The following PARS2 variants were observed in gnomAD, a reference collection of about 807,000 sequenced individuals.
PARS2 encodes the protein probable proline--tRNA ligase, mitochondrial.
PARS2 carries 20 observed loss-of-function variants against 27.4 expected under a neutral mutation model. The ratio of observed to expected loss-of-function variants is 0.73; its 90% CI spans 0.51 to 1.06. The LOEUF is 1.06. Ranked by LOEUF, PARS2 falls within the 50% of genes least tolerant of loss-of-function variation. The pLI is 0.00. For synonymous variants in PARS2, 240 were observed against 247.1 expected (o/e 0.97, Z 0.27); for missense variants, 585 against 602.1 (o/e 0.97, Z 0.30).
Position 54,757,285 on chromosome 1 carries a change from C to T in PARS2, c.*449G>A, listed in dbSNP as rs1037611521. ...TTCTCAGTGGAGAGGGGCTGGCAGG[C>T]CTGCTCTCTGGATAGAATGTAGCAA... On this transcript the variant is annotated 3_prime_UTR_variant, in exon 2 of 2. Transcript: ENST00000371279. 2 of 153,568 alleles carry T rather than the reference C, an allele frequency of 1.3e-5. No individual in the cohort carries two copies. Among genetic ancestry groups the T allele is most frequent in the African/African-American group, 4.8e-5 (2 of 41,496 alleles). 9.5% of individuals were successfully genotyped at this position (153,568 alleles called of 1,614,324 possible).
chr1:54,762,136 G>GTTT (rs35646933), intron 1 of PARS2, among the ~76,000 whole-genome samples: 36 of 128,654 alleles, frequency 2.8e-4, no homozygotes, highest in East Asian at 2.3e-3. Flanking sequence ...TGGAGGGCTT[G>GTTT]TTTTTTTTTT....
In PARS2 at chr1:54,758,046, G is replaced by A. The variant is rs141250027; in HGVS notation, c.1116C>T (p.Ala372=). 8.9e-5 allele frequency: 143 copies of A among 1,614,058 alleles called. No individual in the cohort carries two copies. The African/African-American group carries it at 1.9e-3, about 21-fold the overall frequency. ...TGCCCTTCTTAGGGGGGATGAGGCAGGCTTGGTAAGGGGCCAGTAGGCTGG... is the reference window on the plus strand; with the variant it reads ...TGCCCTTCTTAGGGGGGATGAGGCAAGCTTGGTAAGGGGCCAGTAGGCTGG... ...RWPSLLAPYQ[A]CLIPPKKGSK... Residue 372 remains alanine, a synonymous_variant, in exon 2 of 2, where the codon GCC becomes GCT. Coordinates refer to ENST00000371279, the MANE Select transcript of PARS2 (RefSeq NM_152268.4).
intron 1 of PARS2, among the ~76,000 whole-genome samples, chr1:54,760,929 C>G (rs959439205): frequency 6.6e-6 from 1 of 152,192 alleles, no homozygotes; most frequent in African/African-American, 2.4e-5. Context: ...CAGGCACCCG[C>G]CACCATGCCC....
At chr1:54,764,260 G>C (rs1646173527) in intron 1 of PARS2, among the ~76,000 whole-genome samples, 1 of 152,218 alleles carries the variant, frequency 6.6e-6, no homozygotes, top group Non-Finnish European at 1.5e-5. Context: ...AGGAAGTGCT[G>C]CCCTCATTTT....
In PARS2 at chr1:54,758,717, C is replaced by A; in HGVS notation, c.445G>T (p.Gly149Cys). 6.2e-7 allele frequency: 1 copy of A among 1,614,174 alleles called. No individual in the cohort carries two copies. The change falls in exon 2 of 2, where the codon GGC (glycine) becomes TGC (cysteine). Residue 149 changes from glycine to cysteine, a missense_variant. By Grantham distance (159) the Gly-to-Cys change is radical. Transcript: ENST00000371279. Reference protein sequence around the residue: ...KELLRLRDRHGKEYCLGPTHE... With the variant: ...KELLRLRDRHCKEYCLGPTHE... ...GTTGGTCCTAAGCAGTATTCCTTGC[C>A]ATGCCTGTCTCTAAGTCTTAGCAGC...
In PARS2 at chr1:54,758,545, A is replaced by C. The variant is rs1384316800; in HGVS notation, c.617T>G (p.Met206Arg). 1.9e-6 allele frequency: 3 copies of C among 1,614,202 alleles called. No individual in the cohort carries two copies. The highest frequency in any genetic ancestry group is 2.5e-6 in the Non-Finnish European group (3 of 1,180,034). Residue 206 changes from methionine to arginine, a missense_variant, in exon 2 of 2, where the codon ATG becomes AGG. Coordinates refer to ENST00000371279, the MANE Select transcript of PARS2 (RefSeq NM_152268.4). ...FGLLRGREFY[M>R]KDMYTFDSSP... ...GGAGTCAAAGGTGTACATATCCTTCATGTAAAACTCTCGGCCACGGAGAAG... is the reference window on the plus strand; with the variant it reads ...GGAGTCAAAGGTGTACATATCCTTCCTGTAAAACTCTCGGCCACGGAGAAG...
chr1:54,758,147 A>G lies in PARS2; in HGVS notation c.1015T>C (p.Cys339Arg). The G allele has an allele frequency of 6.2e-7, 1 of 1,614,172 alleles. No individual in the cohort carries two copies. The highest frequency in any genetic ancestry group is 8.5e-7 in the Non-Finnish European group (1 of 1,180,036). ...ATCCGTGTCACACCCAAGCCATAGC[A>G]CCCCATTTCAGCCAGGGTTGGTTTG... ...CGKPTLAEMG[C>R]YGLGVTRILA... The change falls in exon 2 of 2, where the codon TGC becomes CGC. Residue 339 changes from cysteine (C) to arginine (R), a missense_variant. Transcript: ENST00000371279.
chr1:54,759,113 A>G lies in PARS2; in HGVS notation c.49T>C (p.Cys17Arg). The G allele has an allele frequency of 6.2e-7, 1 of 1,610,942 alleles. No individual in the cohort carries two copies. The highest frequency in any genetic ancestry group is 1.1e-5 in the South Asian group (1 of 90,906). ...RCRALPALAT[C>R]SRQLSGYVPC... The stretch of plus-strand genomic sequence containing the variant: ...ACATACCCAGAGAGCTGGCGGCTGC[A>G]GGTGGCCAGGGCGGGCAATGCTCTG... The change falls in exon 2 of 2, where the codon TGC becomes CGC. Residue 17 changes from cysteine (C) to arginine (R), a missense_variant. Physicochemically the swap from Cys to Arg is radical, Grantham distance 180 (BLOSUM62 -3). Transcript: ENST00000371279.
At chr1:54,761,314 C>T (rs1344487865) in intron 1 of PARS2, among the ~76,000 whole-genome samples, 4 of 151,956 alleles carry the variant, frequency 2.6e-5, no homozygotes, top group Non-Finnish European at 5.9e-5. Flanking sequence ...TCAGTGCAAG[C>T]AAGGACCTGT....
At position 54,757,932 on chromosome 1, in the gene PARS2, C is replaced by T; in HGVS notation, c.1230G>A (p.Leu410=). 6.2e-7 allele frequency: 1 copy of T among 1,614,130 alleles called. No homozygotes were observed. The highest frequency in any genetic ancestry group is 8.5e-7 in the Non-Finnish European group (1 of 1,180,014). Residue 410 remains leucine, a synonymous_variant, in exon 2 of 2, where the codon CTG becomes CTA. Transcript: ENST00000371279. ...CGATGGTCAGATGGGTCCTGTCGTCCAGGAGCACCTCCCCGTGAAGCTGAG... is the reference window on the plus strand; with the variant it reads ...CGATGGTCAGATGGGTCCTGTCGTCTAGGAGCACCTCCCCGTGAAGCTGAG... ...AVPQLHGEVL[L]DDRTHLTIGN...
chr1:54,758,924 T>C lies in PARS2; in HGVS notation c.238A>G (p.Ile80Val). Residue 80 changes from isoleucine to valine, a missense_variant, in exon 2 of 2, where the codon ATC becomes GTC. By Grantham distance (29) the Ile-to-Val change is conservative. Transcript: ENST00000371279. The part of the protein sequence containing the change: ...SQRLMLQVGL[I>V]YPASPGCYHL... ...TAACAGCCGGGGCTTGCTGGGTAGA[T>C]CAGGCCCACCTGCAGCATCAGCCGC... 6.2e-7 allele frequency: 1 copy of C among 1,614,116 alleles called. No individual in the cohort carries two copies. The highest frequency in any genetic ancestry group is 8.5e-7 in the Non-Finnish European group (1 of 1,179,990).
rs1274841762 is a variant in PARS2 at position 54,758,022 on chromosome 1, G to T, written c.1140C>A (p.Gly380=). ...GCTCGGAGGCCGCCTGCTCCTTACT[G>T]CCCTTCTTAGGGGGGATGAGGCAGG... The part of the protein sequence containing the change: ...YQACLIPPKK[G]SKEQAASELI... Residue 380 remains glycine, a synonymous_variant, in exon 2 of 2, where the codon GGC becomes GGA. Transcript: ENST00000371279. The T allele has an allele frequency of 1.2e-6, 2 of 1,614,114 alleles. No homozygotes were observed. Among genetic ancestry groups the T allele is most frequent in the East Asian group, 2.2e-5 (1 of 44,882 alleles).
intron 1 of PARS2, among the ~76,000 whole-genome samples, chr1:54,763,448 C>A (rs1646168010): frequency 6.6e-6 from 1 of 152,116 alleles, no homozygotes; most frequent in African/African-American, 2.4e-5. Context: ...TTCAGAGTCT[C>A]GCATAATGCC....
In PARS2 at chr1:54,757,683, T is replaced by C; in HGVS notation, c.*51A>G. 2 of 1,278,124 alleles carry C rather than the reference T, an allele frequency of 1.6e-6. No homozygotes were observed. The highest frequency in any genetic ancestry group is 2.2e-6 in the Non-Finnish European group (2 of 900,618). The allele number at this position is 1,278,124 out of a possible 1,614,324, so 79.2% of individuals were successfully genotyped here. Reference sequence around the variant, plus strand: ...GAAAGGGGTGTAGGAAAATGCAGTGTTAGAACGAACACCAAGGCTGCAAAT... The same window carrying C: ...GAAAGGGGTGTAGGAAAATGCAGTGCTAGAACGAACACCAAGGCTGCAAAT... On this transcript the variant is annotated 3_prime_UTR_variant, in exon 2 of 2. Transcript: ENST00000371279.
In PARS2 at chr1:54,758,989, G is replaced by T; in HGVS notation, c.173C>A (p.Ser58Tyr). The T allele has an allele frequency of 1.9e-6, 3 of 1,614,202 alleles. No individual in the cohort carries two copies. Among genetic ancestry groups the T allele is most frequent in the Non-Finnish European group, 2.5e-6 (3 of 1,180,034 alleles). ...PQNLREDRVLSLQDKSDDLTC... is the reference protein window; with the variant it reads ...PQNLREDRVLYLQDKSDDLTC... ...CAGGTCATCAGATTTGTCCTGCAGG[G>T]AGAGCACCCGGTCTTCCCGAAGGTT... Residue 58 changes from serine to tyrosine, a missense_variant, in exon 2 of 2, where the codon TCC (serine) becomes TAC (tyrosine). Coordinates refer to ENST00000371279, the MANE Select transcript of PARS2 (RefSeq NM_152268.4).
At chr1:54,760,784 CT>C (rs377045963) in intron 1 of PARS2, among the ~76,000 whole-genome samples, 70 of 146,970 alleles carry the variant, frequency 4.8e-4, no homozygotes, top group Non-Finnish European at 5.3e-4. Context: ...CACGCCCACT[CT>C]TTTTTTTTTT....
Position 54,758,032 on chromosome 1 carries a change from G to A in PARS2, c.1130C>T (p.Pro377Leu). Residue 377 changes from proline to leucine, a missense_variant, in exon 2 of 2, where the codon CCT becomes CTT. Physicochemically the swap from Pro to Leu is moderately conservative, Grantham distance 98. Coordinates refer to ENST00000371279, the MANE Select transcript of PARS2 (RefSeq NM_152268.4). ...LAPYQACLIP[P>L]KKGSKEQAAS... ...CGCCTGCTCCTTACTGCCCTTCTTA[G>A]GGGGGATGAGGCAGGCTTGGTAAGG... 1 of 1,614,056 alleles carries A rather than the reference G, an allele frequency of 6.2e-7. No homozygotes were observed. Among genetic ancestry groups the A allele is most frequent in the Non-Finnish European group, 8.5e-7 (1 of 1,179,968 alleles).
intron 1 of PARS2, among the ~76,000 whole-genome samples, chr1:54,764,084 C>T (rs529471779): frequency 1.4e-4 from 22 of 152,192 alleles, no homozygotes; most frequent in Non-Finnish European, 2.5e-4. Context: ...AGAACAAGCT[C>T]GGCCTTCACT....
chr1:54,759,308 A>C, intron 1 of PARS2, 118 bp from the exon 2 acceptor site: 1 of 600,026 alleles, frequency 1.7e-6, no homozygotes, highest in Non-Finnish European at 2.9e-6. Context: ...GCAGATACAA[A>C]TCCTTCCATT....
Sources: gnomAD v4.1 joint callset for allele counts (sites outside exome capture counted in the v4.1 genomes callset) on GRCh38, gnomAD v4.1.1 for gene constraint, MANE v1.5 for transcripts, NCBI Gene and HGNC (gene_info 2026-07-23, HGNC 2026-07-21) for gene names.